The following ZDHHC11B variants were observed in gnomAD, a reference collection of about 807,000 sequenced individuals.
The protein encoded by ZDHHC11B is probable palmitoyltransferase ZDHHC11B.
Under a neutral mutation model 42.3 loss-of-function variants are expected in ZDHHC11B, and 17 were observed. The ratio of observed to expected loss-of-function variants is 0.40; its 90% CI spans 0.27 to 0.60. The LOEUF (loss-of-function observed/expected upper bound fraction) is 0.60. Among genes scored for constraint, ZDHHC11B ranks in the 20% least tolerant of loss-of-function variants. The pLI is 0.41. For missense variants in ZDHHC11B, 262 were observed against 463.2 expected (o/e 0.57, Z 3.99); for synonymous variants, 123 against 193.5 (o/e 0.64, Z 3.02).
chr5:722,826 A>C (rs1390944577), intron 12 of ZDHHC11B, among the ~76,000 whole-genome samples: 1 of 151,496 alleles, frequency 6.6e-6, no homozygotes, highest in Non-Finnish European at 1.5e-5. Context: ...AACAGACTAC[A>C]GCGACAAGCA....
rs765731686 is a variant in ZDHHC11B, at chr5:716,763, G to A, written c.*7+38C>T. 13 of 1,611,858 alleles carry A rather than the reference G, an allele frequency of 8.1e-6. No individual in the cohort carries two copies. In the East Asian group the frequency reaches 2.2e-4, roughly 28 times the overall value. ...TCACTCTCTAGAGAACCAAACTTGG[G>A]TAGATTTCAACATGACCTGCACTGC... On this transcript the variant is annotated intron_variant, in intron 13 of 13. Transcript: ENST00000508859.
chr5:764,659 T>TGC, intron 4 of ZDHHC11B, among the ~76,000 whole-genome samples: 1 of 151,984 alleles, frequency 6.6e-6, no homozygotes, highest in East Asian at 1.9e-4. Flanking sequence ...CATGGGCTCC[T>TGC]GCGCAGCCCG....
chr5:777,911 G>A (rs917515537), intron 1 of ZDHHC11B, among the ~76,000 whole-genome samples: 3 of 151,072 alleles, frequency 2.0e-5, no homozygotes, highest in East Asian at 1.9e-4. Context: ...AGCCCGGGGC[G>A]GGGGAGGGGG....
At chr5:771,187 G>C (rs1392209392) in intron 1 of ZDHHC11B, among the ~76,000 whole-genome samples, 1 of 151,864 alleles carries the variant, frequency 6.6e-6, no homozygotes, top group African/African-American at 2.4e-5. Context: ...AGCCCTCTCA[G>C]ATCTGGAGTT....
chr5:773,780 A>T (rs1736245342), intron 1 of ZDHHC11B, among the ~76,000 whole-genome samples: 1 of 151,098 alleles, frequency 6.6e-6, no homozygotes, highest in South Asian at 2.1e-4. Flanking sequence ...CTTGCGCCCC[A>T]ACCCCCAGGG....
chr5:775,039 T>C (rs1425622262), intron 1 of ZDHHC11B, among the ~76,000 whole-genome samples: 1 of 151,900 alleles, frequency 6.6e-6, no homozygotes, highest in African/African-American at 2.4e-5. Flanking sequence ...GCAGGAGCCA[T>C]GGAGTCAGTG....
At chr5:717,447 C>T (rs1167226412) in intron 12 of ZDHHC11B, among the ~76,000 whole-genome samples, 1 of 151,600 alleles carries the variant, frequency 6.6e-6, no homozygotes, top group East Asian at 1.9e-4. Flanking sequence ...GCTTAAGTTG[C>T]AACGCTGAAT....
At chr5:754,164 C>A (rs1420831094) in intron 6 of ZDHHC11B, among the ~76,000 whole-genome samples, 1 of 111,210 alleles carries the variant, frequency 9.0e-6, no homozygotes, top group Non-Finnish European at 1.8e-5. Flanking sequence ...GAGCCTCCAC[C>A]ATGCTCAGGG....
intron 1 of ZDHHC11B, among the ~76,000 whole-genome samples, chr5:774,498 C>T (rs1315382267): frequency 1.3e-5 from 2 of 152,240 alleles, no homozygotes; most frequent in African/African-American, 4.8e-5. Flanking sequence ...GGCCTGGAGC[C>T]TGTTACTAGG....
rs1292612163 is a variant in ZDHHC11B at position 767,035 on chromosome 5, G to A, written c.1-116C>T. The A allele has an allele frequency of 4.6e-6, 6 of 1,300,310 alleles. No individual in the cohort carries two copies. The East Asian group carries it at 7.0e-5, about 15-fold the overall frequency. 80.5% of individuals were successfully genotyped at this position (1,300,310 alleles called of 1,614,324 possible). A position where few individuals can be genotyped will look rare whatever the true frequency, so the allele number is the denominator to read the frequency against. ...ATGGCCCCCAGGACCAGCACTGACAGCCAATGGCCCAGCATTGCCTGGGGC... is the reference window on the plus strand; with the variant it reads ...ATGGCCCCCAGGACCAGCACTGACAACCAATGGCCCAGCATTGCCTGGGGC... On this transcript the variant is annotated intron_variant, in intron 3 of 13. Coordinates refer to ENST00000508859, the MANE Select transcript of ZDHHC11B (RefSeq NM_001351303.2).
intron 1 of ZDHHC11B, among the ~76,000 whole-genome samples, chr5:783,776 GC>G (rs67463652): frequency 1.2e-5 from 1 of 80,684 alleles, no homozygotes; most frequent in Non-Finnish European, 2.4e-5. Context: ...CAAAACAGCA[GC>G]CCCCAAACCC....
intron 4 of ZDHHC11B, among the ~76,000 whole-genome samples, chr5:761,736 C>T (rs983139129): frequency 6.6e-6 from 1 of 151,882 alleles, no homozygotes; most frequent in Non-Finnish European, 1.5e-5. Flanking sequence ...CTCAGGGCCT[C>T]TCAGAAAAGG....
chr5:717,083 G>C (rs966130082), intron 12 of ZDHHC11B, among the ~76,000 whole-genome samples: 4 of 151,566 alleles, frequency 2.6e-5, no homozygotes, highest in Non-Finnish European at 4.4e-5. Flanking sequence ...TCTTCTGCAT[G>C]TGTGCTGATA....
At chr5:764,928 C>G (rs1204940851) in intron 4 of ZDHHC11B, among the ~76,000 whole-genome samples, 1 of 113,614 alleles carries the variant, frequency 8.8e-6, no homozygotes, top group Non-Finnish European at 1.9e-5. Context: ...CCAATCAGCA[C>G]TCTGTATCTA....
intron 12 of ZDHHC11B, among the ~76,000 whole-genome samples, chr5:719,514 G>A (rs1742023786): frequency 6.6e-6 from 1 of 151,152 alleles, no homozygotes; most frequent in Non-Finnish European, 1.5e-5. Flanking sequence ...ACTGGAGCTG[G>A]AAAGTACATA....
chr5:751,993 TCA>T (rs1403234812), intron 6 of ZDHHC11B, among the ~76,000 whole-genome samples: 39 of 122,112 alleles, frequency 3.2e-4, no homozygotes, highest in African/African-American at 9.7e-4. Context: ...GTCTCCAGTG[TCA>T]CAGCTCTGGG....
intron 11 of ZDHHC11B, 107 bp from the exon 12 acceptor site, chr5:730,575 T>C (rs1561124141): frequency 2.5e-6 from 3 of 1,209,984 alleles, no homozygotes; most frequent in Middle Eastern, 1.9e-4. Flanking sequence ...TTCTGAGTAA[T>C]GGTACTTCAA....
At chr5:739,243 C>G (rs1326723377) in intron 10 of ZDHHC11B, among the ~76,000 whole-genome samples, 4 of 150,742 alleles carry the variant, frequency 2.7e-5, no homozygotes, top group Admixed American at 2.6e-4. Flanking sequence ...GCTAACGACA[C>G]AAAAATTAGC....
At chr5:721,633 C>A (rs1363281713) in intron 12 of ZDHHC11B, among the ~76,000 whole-genome samples, 3 of 151,460 alleles carry the variant, frequency 2.0e-5, no homozygotes, top group African/African-American at 7.3e-5. Context: ...TGTTGCTGAC[C>A]CCACACAGCA....
Sources: gnomAD v4.1 joint callset for allele counts (sites outside exome capture counted in the v4.1 genomes callset) on GRCh38, gnomAD v4.1.1 for gene constraint, MANE v1.5 for transcripts, NCBI Gene and HGNC (gene_info 2026-07-23, HGNC 2026-07-21) for gene names.